The following EDEM3 variants were observed in gnomAD, a reference collection of about 807,000 sequenced individuals.
The protein encoded by EDEM3 is ER degradation-enhancing alpha-mannosidase-like protein 3.
A neutral mutation model predicts 110.2 loss-of-function variants in EDEM3; 60 were observed. That is an observed-to-expected ratio of 0.54 (90% confidence interval 0.44 to 0.67). EDEM3 has a LOEUF of 0.67. Ranked by LOEUF, EDEM3 falls within the 30% of genes least tolerant of loss-of-function variation. The pLI is 0.00. For missense variants in EDEM3, 996 were observed against 1,121.0 expected, an observed-to-expected ratio of 0.89 and a Z score of 1.59; for synonymous variants, 352 against 382.9, an observed-to-expected ratio of 0.92 and a Z score of 0.94.
At chr1:184,745,143 A>G (rs1652358323) in intron 2 of EDEM3, among the ~76,000 whole-genome samples, 1 of 152,148 alleles carries the variant, frequency 6.6e-6, no homozygotes, top group Admixed American at 6.5e-5. Context: ...AAGATGAATT[A>G]GCTGAACGAT....
At chr1:184,739,300 A>T (rs1392128006) in intron 2 of EDEM3, among the ~76,000 whole-genome samples, 1 of 149,060 alleles carries the variant, frequency 6.7e-6, no homozygotes, top group African/African-American at 2.4e-5. Flanking sequence ...AATTATTAAA[A>T]TAACTATTTT....
chr1:184,712,459 T>G lies in EDEM3; in HGVS notation c.1510A>C (p.Asn504His), dbSNP rs767728452. Residue 504 changes from asparagine to histidine, a missense_variant, in exon 14 of 20, where the codon AAT becomes CAT. Asn to His is a moderately conservative substitution (Grantham distance 68, BLOSUM62 1). Around this residue, in one of 5 missense-constraint regions of EDEM3, gnomAD observed 138 missense variants for 124.3 expected, o/e 1.11. Coordinates refer to ENST00000318130, the MANE Select transcript of EDEM3 (RefSeq NM_025191.4). ...HLLPLWLSTT[N>H]QSISKKNTTS... Reference sequence around the variant, plus strand: ...GTGTTCTTTTTAGAGATGCTTTGATTTGTAGTAGAGAGCCAAAGAGGTAAC... The same window carrying G: ...GTGTTCTTTTTAGAGATGCTTTGATGTGTAGTAGAGAGCCAAAGAGGTAAC... 1.3e-5 allele frequency: 21 copies of G among 1,596,030 alleles called. No individual in the cohort carries two copies. Among genetic ancestry groups the G allele is most frequent in the Non-Finnish European group, 1.8e-5 (21 of 1,175,334 alleles).
intron 6 of EDEM3, among the ~76,000 whole-genome samples, chr1:184,729,950 T>C (rs983732873): frequency 6.6e-6 from 1 of 152,302 alleles, no homozygotes; most frequent in Admixed American, 6.5e-5. Context: ...ATTAAGTAAA[T>C]GTTTATATAT....
In EDEM3 at chr1:184,750,043, A is replaced by G. The variant is rs116417025; in HGVS notation, c.159-451T>C. On this transcript the variant is annotated intron_variant, in intron 1 of 19. Transcript: ENST00000318130. ...ATGTTCTACTAAGAGAGAGGTACAC[A>G]GGTGTGTAGTGACATGAAATAACAA... is the stretch of plus-strand genomic sequence containing the variant. Among the ~76,000 whole-genome samples the G allele has an allele frequency of 2.8e-3, 433 of 152,340 alleles. 5 individuals carry two copies. The East Asian group carries it at 0.035, about 12-fold the overall frequency.
chr1:184,703,783 T>C (rs1244670980), intron 18 of EDEM3, among the ~76,000 whole-genome samples: 1 of 152,182 alleles, frequency 6.6e-6, no homozygotes, highest in East Asian at 1.9e-4. Context: ...AGACAAAAGA[T>C]GGCTACCTGA....
Position 184,692,498 on chromosome 1 carries a change from A to G in EDEM3, c.*1565T>C, listed in dbSNP as rs1212918674. 2 of 152,092 alleles carry G rather than the reference A, an allele frequency of 1.3e-5. No individual in the cohort carries two copies. The highest frequency in any genetic ancestry group is 2.9e-5 in the Non-Finnish European group (2 of 67,974). 9.4% of individuals were successfully genotyped at this position (152,092 alleles called of 1,614,324 possible). On this transcript the variant is annotated 3_prime_UTR_variant, in exon 20 of 20. Transcript: ENST00000318130. ...GGATCTAAACATACTGTACACGAATATACATAACTGCAATACAGCACTGCT... is the reference window on the plus strand; with the variant it reads ...GGATCTAAACATACTGTACACGAATGTACATAACTGCAATACAGCACTGCT...
intron 13 of EDEM3, among the ~76,000 whole-genome samples, chr1:184,712,987 C>A (rs1650341244): frequency 6.6e-6 from 1 of 152,136 alleles, no homozygotes; most frequent in African/African-American, 2.4e-5. Context: ...AAAAGTCATA[C>A]AAATTTGACG....
intron 9 of EDEM3, 37 bp downstream of exon 9, chr1:184,721,252 G>A (rs1415119939): frequency 2.7e-6 from 4 of 1,487,240 alleles, no homozygotes; most frequent in Non-Finnish European, 3.7e-6. Context: ...GGACTCAAAT[G>A]AAGTTGATTA....
chr1:184,752,202 G>C (rs1291353412), intron 1 of EDEM3, among the ~76,000 whole-genome samples: 1 of 152,146 alleles, frequency 6.6e-6, no homozygotes, highest in Non-Finnish European at 1.5e-5. Context: ...TTCCATGAAG[G>C]ATAAGACTAC....
intron 1 of EDEM3, among the ~76,000 whole-genome samples, chr1:184,753,060 G>GTT (rs1652853139): frequency 6.6e-6 from 1 of 152,080 alleles, no homozygotes; most frequent in Non-Finnish European, 1.5e-5. Flanking sequence ...TTTCCATCAA[G>GTT]TGACCTTTAT....
At chr1:184,725,154 C>T (rs181413466) in intron 7 of EDEM3, among the ~76,000 whole-genome samples, 439 of 152,266 alleles carry the variant, frequency 2.9e-3, no homozygotes, top group African/African-American at 0.01. Context: ...TCTCTGACAA[C>T]AAATTACTGC....
chr1:184,734,235 G>A (rs989372731), intron 5 of EDEM3, among the ~76,000 whole-genome samples: 6 of 152,134 alleles, frequency 3.9e-5, no homozygotes, highest in African/African-American at 1.4e-4. Flanking sequence ...CTGGGAGGCC[G>A]AGGCAGGCAG....
At chr1:184,750,384 A>G (rs1438664132) in intron 1 of EDEM3, among the ~76,000 whole-genome samples, 6 of 152,234 alleles carry the variant, frequency 3.9e-5, no homozygotes, top group Non-Finnish European at 8.8e-5. Context: ...CTGAGGAAGC[A>G]GCCTTTCAAT....
chr1:184,712,052 G>C lies in EDEM3; in HGVS notation c.1537-175C>G, dbSNP rs559894328. 5.9e-5 allele frequency among the ~76,000 whole-genome samples: 9 copies of C among 151,770 alleles called. No individual in the cohort carries two copies. The South Asian group carries it at 1.3e-3, about 21-fold the overall frequency. ...TGCCATTCTCCTGCCTCAGCCTTCC[G>C]AGTAGCTGGGACTACAGGCGCCCAC... On this transcript the variant is annotated intron_variant, in intron 14 of 19. Transcript: ENST00000318130.
chr1:184,749,455 A>G, intron 2 of EDEM3, 92 bp downstream of exon 2: 1 of 990,220 alleles, frequency 1.0e-6, no homozygotes, highest in Non-Finnish European at 1.5e-6. Context: ...AAAAAATGTA[A>G]TTGTATTGTA....
intron 6 of EDEM3, among the ~76,000 whole-genome samples, chr1:184,726,979 ATTTC>A (rs1651229235): frequency 6.6e-6 from 1 of 152,304 alleles, no homozygotes; most frequent in East Asian, 1.9e-4. Context: ...TCAAAGGTGT[ATTTC>A]TTTATTAAGT....
chr1:184,713,506 A>C (rs1228821887), intron 13 of EDEM3, among the ~76,000 whole-genome samples: 1 of 152,234 alleles, frequency 6.6e-6, no homozygotes, highest in Non-Finnish European at 1.5e-5. Context: ...TAGTAACATC[A>C]AATTTAATTC....
intron 4 of EDEM3, among the ~76,000 whole-genome samples, chr1:184,735,161 C>T (rs1044671084): frequency 1.3e-5 from 2 of 152,162 alleles, no homozygotes; most frequent in African/African-American, 4.8e-5. Flanking sequence ...TGGTCATGCC[C>T]TGATTTGAAT....
intron 7 of EDEM3, among the ~76,000 whole-genome samples, chr1:184,725,360 A>G (rs189056889): frequency 6.6e-6 from 1 of 152,246 alleles, no homozygotes; most frequent in East Asian, 1.9e-4. Context: ...AACTGCATCA[A>G]TATCTGAGAG....
Sources: gnomAD v4.1 joint callset for allele counts (sites outside exome capture counted in the v4.1 genomes callset) on GRCh38, gnomAD v4.1.1 for gene constraint, gnomAD v4.1.1 regional missense constraint, MANE v1.5 for transcripts, NCBI Gene and HGNC (gene_info 2026-07-23, HGNC 2026-07-21) for gene names.